Variants in ARHGAP26 observed in about 807,000 individuals in gnomAD.
The protein encoded by ARHGAP26 is Rho GTPase activating protein 26.
In ARHGAP26, 38 loss-of-function variants were observed where a neutral mutation model predicts 104.8. That is an observed-to-expected ratio of 0.36 (90% CI 0.28 to 0.48). The LOEUF is 0.48. Among genes scored for constraint, ARHGAP26 ranks in the 20% least tolerant of loss-of-function variants. The pLI is 0.99. For missense variants in ARHGAP26, 704 were observed against 947.9 expected, an observed-to-expected ratio of 0.74 and a Z score of 3.38; for synonymous variants, 341 against 340.0, an observed-to-expected ratio of 1.00 and a Z score of -0.03.
At chr5:143,065,874 T>A (rs781333601) in intron 17 of ARHGAP26, among the ~76,000 whole-genome samples, 17 of 152,254 alleles carry the variant, frequency 1.1e-4, no homozygotes, top group Middle Eastern at 3.4e-3. Context: ...GGGAGCTGAG[T>A]ATCTCAGAAG....
chr5:142,813,247 C>T (rs1287987700), intron 1 of ARHGAP26, among the ~76,000 whole-genome samples: 1 of 152,164 alleles, frequency 6.6e-6, no homozygotes. Context: ...TATATAATTT[C>T]TAAAAAGAAA....
intron 11 of ARHGAP26, among the ~76,000 whole-genome samples, chr5:142,962,303 G>C (rs950031306): frequency 2.6e-5 from 4 of 152,142 alleles, no homozygotes; most frequent in African/African-American, 9.7e-5. Context: ...TTTAACCTCA[G>C]TTCAACTCTC....
chr5:143,119,191 TG>T (rs1242677448), intron 17 of ARHGAP26, among the ~76,000 whole-genome samples: 2 of 152,168 alleles, frequency 1.3e-5, no homozygotes, highest in Non-Finnish European at 2.9e-5. Context: ...TTTAGTCAGA[TG>T]TAGTGTGGAG....
intron 11 of ARHGAP26, among the ~76,000 whole-genome samples, chr5:142,971,927 A>G (rs1598436971): frequency 6.6e-6 from 1 of 152,160 alleles, no homozygotes; most frequent in African/African-American, 2.4e-5. Flanking sequence ...CACGCCTATA[A>G]TCCCAGCATT....
intron 11 of ARHGAP26, among the ~76,000 whole-genome samples, chr5:142,974,821 G>C (rs1772825366): frequency 6.6e-6 from 1 of 152,052 alleles, no homozygotes. Context: ...TTCCCCTTTT[G>C]TTCCTTTCGC....
In ARHGAP26 at chr5:143,014,278, T is replaced by C. The variant is rs912538412; in HGVS notation, c.1144+162T>C. On this transcript the variant is annotated intron_variant, in intron 12 of 22. Transcript: ENST00000645722. ...TGCCTCCACCCCAACTTTCCGCCAG[T>C]GACTCCAGAGGGACGGTAAGTGAGC... is the stretch of plus-strand genomic sequence containing the variant. 4.1e-6 allele frequency: 3 copies of C among 728,608 alleles called. No homozygotes were observed. The Admixed American group carries it at 6.7e-5, about 16-fold the overall frequency. The allele number at this position is 728,608 out of a possible 1,614,324, so 45.1% of individuals were successfully genotyped here. A position where few individuals can be genotyped will look rare whatever the true frequency, so the allele number is the denominator to read the frequency against.
At chr5:142,960,918 C>G (rs1562159889) in intron 11 of ARHGAP26, among the ~76,000 whole-genome samples, 1 of 152,162 alleles carries the variant, frequency 6.6e-6, no homozygotes, top group Non-Finnish European at 1.5e-5. Context: ...CTCACTCTTT[C>G]TTCTTCAGAT....
At chr5:142,952,213 G>A (rs1378880212) in intron 11 of ARHGAP26, among the ~76,000 whole-genome samples, 1 of 152,102 alleles carries the variant, frequency 6.6e-6, no homozygotes, top group Non-Finnish European at 1.5e-5. Flanking sequence ...GTGAGGACAT[G>A]GACCTGTCCT....
rs753721233 is a variant in ARHGAP26, at chr5:142,907,768, C to T, written c.897C>T (p.Thr299=). The change falls in exon 9 of 23, where the codon ACC becomes ACT. Residue 299 remains threonine (T), a synonymous_variant. Coordinates refer to ENST00000645722, the MANE Select transcript of ARHGAP26 (RefSeq NM_001135608.3). ...ATCAACGGGATTCCAAACAAATCAC[C>T]ATGGTACCATTTGACCAAAAGTCAG... ...CTYQRDSKQI[T]MVPFDQKSGG... 1.9e-6 allele frequency: 3 copies of T among 1,611,524 alleles called. No individual in the cohort carries two copies. The highest frequency in any genetic ancestry group is 2.5e-6 in the Non-Finnish European group (3 of 1,178,402).
At chr5:143,219,279 CT>C (rs768048030) in intron 22 of ARHGAP26, among the ~76,000 whole-genome samples, 27 of 152,190 alleles carry the variant, frequency 1.8e-4, no homozygotes, top group Non-Finnish European at 3.2e-4. Context: ...AGCTGGGATC[CT>C]GAGGATCAAA....
intron 19 of ARHGAP26, among the ~76,000 whole-genome samples, chr5:143,145,402 C>T (rs182094389): frequency 3.3e-5 from 5 of 152,286 alleles, no homozygotes; most frequent in Admixed American, 1.3e-4. Context: ...CCCAGGGAAC[C>T]GTCCTCACTC....
intron 11 of ARHGAP26, among the ~76,000 whole-genome samples, chr5:143,000,907 T>C (rs1777102663): frequency 6.6e-6 from 1 of 151,924 alleles, no homozygotes; most frequent in South Asian, 2.1e-4. Context: ...GGGAGAGCAT[T>C]AGGACAAATA....
intron 3 of ARHGAP26, among the ~76,000 whole-genome samples, 155 bp from the exon 4 acceptor site, chr5:142,879,219 A>G (rs1193975457): frequency 1.3e-5 from 2 of 152,168 alleles, no homozygotes; most frequent in Non-Finnish European, 2.9e-5. Flanking sequence ...TTGACATGCT[A>G]TTAGTTCGAA....
At chr5:143,042,963 GT>G (rs1210765878) in intron 14 of ARHGAP26, among the ~76,000 whole-genome samples, 1 of 152,116 alleles carries the variant, frequency 6.6e-6, no homozygotes, top group Non-Finnish European at 1.5e-5. Context: ...AATATGGTTA[GT>G]TTTTGTAAAA....
At chr5:142,779,050 G>A (rs529258087) in intron 1 of ARHGAP26, among the ~76,000 whole-genome samples, 1 of 152,200 alleles carries the variant, frequency 6.6e-6, no homozygotes, top group African/African-American at 2.4e-5. Flanking sequence ...TGCTTTCTGA[G>A]TGGCATGTTC....
At chr5:143,054,992 C>T (rs1350586065) in intron 15 of ARHGAP26, among the ~76,000 whole-genome samples, 1 of 152,222 alleles carries the variant, frequency 6.6e-6, no homozygotes, top group East Asian at 1.9e-4. Flanking sequence ...TTCCCTTACA[C>T]TGGACAATAT....
At chr5:142,965,494 A>G (rs1184762105) in intron 11 of ARHGAP26, among the ~76,000 whole-genome samples, 1 of 152,210 alleles carries the variant, frequency 6.6e-6, no homozygotes, top group Non-Finnish European at 1.5e-5. Flanking sequence ...GTCCGGGCAT[A>G]ACAGAAGGCT....
intron 20 of ARHGAP26, among the ~76,000 whole-genome samples, chr5:143,160,773 C>T (rs1801133673): frequency 6.6e-6 from 1 of 152,178 alleles, no homozygotes; most frequent in African/African-American, 2.4e-5. Flanking sequence ...GTCATTGTGC[C>T]TGGCCTGGTA....
chr5:142,982,172 C>T (rs1293848339), intron 11 of ARHGAP26, among the ~76,000 whole-genome samples: 1 of 152,198 alleles, frequency 6.6e-6, no homozygotes, highest in Non-Finnish European at 1.5e-5. Flanking sequence ...TTACACACAC[C>T]TCCCCATCCC....
Sources: allele counts gnomAD v4.1 joint callset (sites outside exome capture counted in the v4.1 genomes callset), GRCh38; gene constraint gnomAD v4.1.1; transcripts MANE v1.5; gene names NCBI Gene and HGNC (gene_info 2026-07-23, HGNC 2026-07-21).